CCBE1: variants seen among roughly 807,000 people sequenced by gnomAD.
CCBE1 encodes the protein collagen and calcium binding EGF domains 1, also known as collagen and calcium-binding EGF domain-containing protein 1.
Under a neutral mutation model 50.0 loss-of-function variants are expected in CCBE1, and 37 were observed. The ratio of observed to expected loss-of-function variants is 0.74; its 90% confidence interval spans 0.57 to 0.97. The LOEUF is 0.97. CCBE1 is among the 50% of genes least tolerant of loss of function. The pLI is 0.00. For synonymous variants in CCBE1, 234 were observed against 203.7 expected (o/e 1.15, Z -1.27); for missense variants, 538 against 523.8 (o/e 1.03, Z -0.26).
intron 2 of CCBE1, among the ~76,000 whole-genome samples, chr18:59,676,937 G>A (rs888009355): frequency 1.3e-5 from 2 of 152,280 alleles, no homozygotes; most frequent in African/African-American, 4.8e-5. Context: ...TTAAAGAAAT[G>A]AAACGACTGA....
intron 2 of CCBE1, among the ~76,000 whole-genome samples, chr18:59,498,107 T>C (rs1198454736): frequency 6.6e-6 from 1 of 152,172 alleles, no homozygotes; most frequent in Non-Finnish European, 1.5e-5. Flanking sequence ...TTTTCTGCCA[T>C]CTCCTCACGT....
chr18:59,622,452 T>C (rs990537122), intron 2 of CCBE1, among the ~76,000 whole-genome samples: 2 of 150,470 alleles, frequency 1.3e-5, no homozygotes, highest in East Asian at 1.9e-4. Flanking sequence ...TGCAGTGAGC[T>C]GAGATCATGC....
chr18:59,520,269 T>C (rs915379940), intron 2 of CCBE1, among the ~76,000 whole-genome samples: 2 of 152,224 alleles, frequency 1.3e-5, no homozygotes. Flanking sequence ...TTGGGCAATA[T>C]GGCCATTTTC....
At chr18:59,560,638 C>T (rs1042334272) in intron 2 of CCBE1, among the ~76,000 whole-genome samples, 16 of 152,134 alleles carry the variant, frequency 1.1e-4, no homozygotes, top group African/African-American at 3.4e-4. Context: ...TGGGATTAAA[C>T]AAAACAAAAA....
intron 2 of CCBE1, among the ~76,000 whole-genome samples, chr18:59,587,466 G>C (rs1166101231): frequency 6.6e-6 from 1 of 152,180 alleles, no homozygotes; most frequent in Non-Finnish European, 1.5e-5. Flanking sequence ...ACCAAACCAG[G>C]AATAGAAGAG....
rs2053256884 is a variant in CCBE1 at position 59,590,962 on chromosome 18, AGGCCGGGCGCGG to A, written c.212+105655_212+105666del. 4.5e-5 allele frequency among the ~76,000 whole-genome samples: 5 copies of A among 110,062 alleles called. 1 individual carries two copies. The highest frequency in any genetic ancestry group is 4.6e-5 in the African/African-American group (1 of 21,728). 72.2% of individuals were successfully genotyped at this position (110,062 alleles called of 152,430 possible). A position where few individuals can be genotyped will look rare whatever the true frequency, so the allele number is the denominator to read the frequency against. ...ACCTGGGCATAAAAAGCTGCTAAGT[AGGCCGGGCGCGG>A]TGGCTCACGCTTGTAATCCCAGCAC... On this transcript the variant is annotated intron_variant, in intron 2 of 10. Coordinates refer to ENST00000439986, the MANE Select transcript of CCBE1 (RefSeq NM_133459.4).
intron 3 of CCBE1, among the ~76,000 whole-genome samples, chr18:59,475,214 A>G (rs1031362777): frequency 5.9e-5 from 9 of 152,192 alleles, no homozygotes; most frequent in South Asian, 4.1e-4. Flanking sequence ...ACTCCCTTGT[A>G]AACAAGATCT....
At chr18:59,489,987 GT>G (rs199609938) in intron 2 of CCBE1, among the ~76,000 whole-genome samples, 77 of 122,210 alleles carry the variant, frequency 6.3e-4, no homozygotes, top group African/African-American at 1.5e-3. Flanking sequence ...CGCATAAGGA[GT>G]TTTTTTTTTT....
intron 2 of CCBE1, among the ~76,000 whole-genome samples, chr18:59,582,267 G>A (rs1038476405): frequency 3.9e-5 from 6 of 152,104 alleles, no homozygotes; most frequent in Non-Finnish European, 8.8e-5. Flanking sequence ...ACTTTCTCCT[G>A]AACTCATATA....
chr18:59,670,370 G>A (rs2054415468), intron 2 of CCBE1, among the ~76,000 whole-genome samples: 1 of 152,126 alleles, frequency 6.6e-6, no homozygotes, highest in Non-Finnish European at 1.5e-5. Flanking sequence ...GTGGGAGAAG[G>A]AATAAGAAAG....
chr18:59,483,373 T>C (rs919152480), intron 2 of CCBE1, among the ~76,000 whole-genome samples: 2 of 152,230 alleles, frequency 1.3e-5, no homozygotes, highest in Non-Finnish European at 2.9e-5. Context: ...ATTTTGGAGT[T>C]TGGCATATTT....
chr18:59,450,987 C>G (rs1166553067), intron 6 of CCBE1, among the ~76,000 whole-genome samples: 1 of 152,236 alleles, frequency 6.6e-6, no homozygotes, highest in East Asian at 1.9e-4. Context: ...TGCAAATGTA[C>G]TCACTTGAAA....
chr18:59,518,983 C>T (rs1321600253), intron 2 of CCBE1, among the ~76,000 whole-genome samples: 1 of 152,216 alleles, frequency 6.6e-6, no homozygotes, highest in Non-Finnish European at 1.5e-5. Flanking sequence ...AAGTAACTTG[C>T]TTCTGACCAC....
chr18:59,617,705 C>CT lies in CCBE1; in HGVS notation c.212+78923dup, dbSNP rs151185283. Among the ~76,000 whole-genome samples the CT allele has an allele frequency of 2.5e-3, 374 of 152,308 alleles. 5 individuals carry two copies. The highest frequency in any genetic ancestry group is 8.5e-3 in the African/African-American group (354 of 41,560). On this transcript the variant is annotated intron_variant, in intron 2 of 10. Coordinates refer to ENST00000439986, the MANE Select transcript of CCBE1 (RefSeq NM_133459.4). ...TCCTGGAGAATTTTACCACACAGCC[C>CT]TTTAGATTGTAGGCTTGTAAAGCAT... is the stretch of plus-strand genomic sequence containing the variant.
intron 2 of CCBE1, among the ~76,000 whole-genome samples, chr18:59,575,493 T>C (rs1262765363): frequency 1.3e-5 from 2 of 152,160 alleles, no homozygotes. Context: ...CTGAGAATGT[T>C]CAAATTATAG....
At chr18:59,482,621 T>C (rs539191606) in intron 2 of CCBE1, among the ~76,000 whole-genome samples, 23 of 152,286 alleles carry the variant, frequency 1.5e-4, no homozygotes, top group Admixed American at 2.6e-4. Flanking sequence ...ATGACAACTG[T>C]AGGAAAAAAT....
chr18:59,447,210 CGTATATATGTGTGT>C (rs1205060486), intron 7 of CCBE1, among the ~76,000 whole-genome samples: 1 of 151,938 alleles, frequency 6.6e-6, no homozygotes, highest in East Asian at 1.9e-4. Context: ...TACACACATA[CGTATATATGTGTGT>C]GTATATATGT....
chr18:59,645,593 A>G (rs1220800917), intron 2 of CCBE1, among the ~76,000 whole-genome samples: 6 of 152,196 alleles, frequency 3.9e-5, no homozygotes, highest in African/African-American at 4.8e-5. Flanking sequence ...TTCAAATGGA[A>G]TATCTGCCAT....
At chr18:59,537,924 T>C (rs1474757944) in intron 2 of CCBE1, among the ~76,000 whole-genome samples, 1 of 152,228 alleles carries the variant, frequency 6.6e-6, no homozygotes, top group Admixed American at 6.5e-5. Flanking sequence ...GTGCTTATTT[T>C]CCAGGGGTAT....
Sources: allele counts gnomAD v4.1 joint callset (sites outside exome capture counted in the v4.1 genomes callset), GRCh38; gene constraint gnomAD v4.1.1; transcripts MANE v1.5; gene names NCBI Gene and HGNC (gene_info 2026-07-23, HGNC 2026-07-21).